DCDC2C: variants seen among roughly 807,000 people sequenced by gnomAD.
DCDC2C encodes doublecortin domain-containing protein 2C.
A neutral mutation model predicts 45.0 loss-of-function variants in DCDC2C; 44 were observed. That is an observed-to-expected ratio of 0.98 (90% confidence interval 0.77 to 1.26). The LOEUF (loss-of-function observed/expected upper bound fraction) is 1.26, where lower values mean the gene tolerates loss of function less well. Among genes scored for constraint, DCDC2C ranks in the 50% most tolerant of loss-of-function variants. DCDC2C has a pLI of 0.00. For synonymous variants in DCDC2C, 187 were observed against 178.8 expected (o/e 1.05, Z -0.37); for missense variants, 447 against 468.9 (o/e 0.95, Z 0.43).
intron 4 of DCDC2C, among the ~76,000 whole-genome samples, chr2:3,748,581 C>T (rs1373698865): frequency 3.9e-5 from 6 of 151,958 alleles, no homozygotes; most frequent in East Asian, 3.9e-4. Flanking sequence ...GAGTGGGATG[C>T]GCCAGGCTGG....
intron 2 of DCDC2C, among the ~76,000 whole-genome samples, chr2:3,718,962 GC>G (rs1668420909): frequency 1.3e-5 from 2 of 152,146 alleles, no homozygotes; most frequent in South Asian, 4.1e-4. Flanking sequence ...GCTGATTGGT[GC>G]ATTTTACAAC....
intron 2 of DCDC2C, among the ~76,000 whole-genome samples, chr2:3,711,849 G>T (rs1278232553): frequency 6.6e-6 from 1 of 152,158 alleles, no homozygotes; most frequent in African/African-American, 2.4e-5. Flanking sequence ...TAATATTTCT[G>T]AAAACTTACA....
chr2:3,726,878 T>G, intron 2 of DCDC2C, 125 bp from the exon 3 acceptor site: 1 of 776,526 alleles, frequency 1.3e-6, no homozygotes, highest in Non-Finnish European at 2.1e-6. Flanking sequence ...CGCCCCTGGG[T>G]GTTCTATTGA....
chr2:3,793,369 G>A (rs1670874579), intron 10 of DCDC2C, among the ~76,000 whole-genome samples: 1 of 152,188 alleles, frequency 6.6e-6, no homozygotes, highest in South Asian at 2.1e-4. Context: ...TTCTGCATCG[G>A]AAGCCTGTGC....
intron 4 of DCDC2C, among the ~76,000 whole-genome samples, chr2:3,747,152 C>A (rs1669391668): frequency 6.6e-6 from 1 of 152,180 alleles, no homozygotes; most frequent in South Asian, 2.1e-4. Context: ...ATGCACGCAG[C>A]ACACAGCACA....
At chr2:3,824,912 A>C (rs543775584) in intron 10 of DCDC2C, among the ~76,000 whole-genome samples, 1 of 152,186 alleles carries the variant, frequency 6.6e-6, no homozygotes, top group African/African-American at 2.4e-5. Flanking sequence ...ACCTATCAAA[A>C]TCTGGACCCA....
chr2:3,838,418 A>G (rs1672132132), intron 10 of DCDC2C, among the ~76,000 whole-genome samples: 1 of 150,930 alleles, frequency 6.6e-6, no homozygotes, highest in Non-Finnish European at 1.5e-5. Flanking sequence ...GAAGTTTTGT[A>G]TTGAGTAACT....
At chr2:3,749,458 A>G (rs1480950032) in intron 4 of DCDC2C, among the ~76,000 whole-genome samples, 1 of 152,208 alleles carries the variant, frequency 6.6e-6, no homozygotes, top group Non-Finnish European at 1.5e-5. Flanking sequence ...TGTAATCTGA[A>G]CATCACATAC....
chr2:3,811,012 G>A (rs1572634369), intron 10 of DCDC2C, among the ~76,000 whole-genome samples: 2 of 152,188 alleles, frequency 1.3e-5, no homozygotes. Flanking sequence ...GTCAGGTAGT[G>A]TGATGCCTCC....
At chr2:3,841,575 T>TA (rs1672214788) in intron 10 of DCDC2C, among the ~76,000 whole-genome samples, 1 of 152,236 alleles carries the variant, frequency 6.6e-6, no homozygotes, top group African/African-American at 2.4e-5. Flanking sequence ...TATCAAACGT[T>TA]TTCTGAGTTT....
intron 10 of DCDC2C, among the ~76,000 whole-genome samples, chr2:3,795,565 C>A (rs1295213854): frequency 2.6e-5 from 3 of 115,186 alleles, no homozygotes; most frequent in Admixed American, 8.8e-5. Context: ...GGAAGGGATC[C>A]AGTTTCAGCT....
At chr2:3,736,195 C>T (rs1669019577) in intron 3 of DCDC2C, among the ~76,000 whole-genome samples, 1 of 152,142 alleles carries the variant, frequency 6.6e-6, no homozygotes, top group Non-Finnish European at 1.5e-5. Context: ...CCTGGGGACA[C>T]AGTGGATTCT....
At chr2:3,769,742 T>C (rs1286090044) in intron 8 of DCDC2C, among the ~76,000 whole-genome samples, 2 of 152,230 alleles carry the variant, frequency 1.3e-5, no homozygotes, top group African/African-American at 4.8e-5. Flanking sequence ...CCTCGCTCAC[T>C]GTTGGGCCCT....
At chr2:3,770,558 T>G (rs981217927) in intron 8 of DCDC2C, among the ~76,000 whole-genome samples, 1 of 152,248 alleles carries the variant, frequency 6.6e-6, no homozygotes, top group African/African-American at 2.4e-5. Context: ...GATTTCATTT[T>G]CTTCGCAAAT....
intron 10 of DCDC2C, among the ~76,000 whole-genome samples, chr2:3,846,887 T>G (rs577338072): frequency 2.6e-5 from 4 of 152,170 alleles, no homozygotes; most frequent in African/African-American, 7.2e-5. Context: ...TGAAATGGAG[T>G]GGCCACCAGC....
chr2:3,779,009 G>A lies in DCDC2C; in HGVS notation c.1023+125G>A, dbSNP rs376901632. The A allele has an allele frequency of 1.5e-3, 1,327 of 882,918 alleles. 33 individuals are homozygous for A. The South Asian group carries it at 0.022, about 15-fold the overall frequency. 54.7% of individuals were successfully genotyped at this position (882,918 alleles called of 1,614,324 possible). On this transcript the variant is annotated intron_variant, in intron 9 of 10. Coordinates refer to ENST00000399143, the MANE Select transcript of DCDC2C (RefSeq NM_001287444.2). ...TCGCTTCCAAAACACAAGCCAGCGC[G>A]GAATCGGAAGCGAGTGCATTTCGCA...
intron 10 of DCDC2C, among the ~76,000 whole-genome samples, chr2:3,813,530 T>C (rs1388528267): frequency 6.6e-6 from 1 of 152,114 alleles, no homozygotes; most frequent in African/African-American, 2.4e-5. Context: ...CATTATTATT[T>C]TGTGGGAGTC....
intron 10 of DCDC2C, among the ~76,000 whole-genome samples, chr2:3,793,217 G>A (rs57012632): frequency 0.021 from 3,163 of 152,212 alleles, 100 homozygotes; most frequent in African/African-American, 0.072. Flanking sequence ...ATACCCAAAC[G>A]CAAATTTACA....
At chr2:3,720,952 C>A (rs1462271273) in intron 2 of DCDC2C, among the ~76,000 whole-genome samples, 1 of 152,138 alleles carries the variant, frequency 6.6e-6, no homozygotes, top group Non-Finnish European at 1.5e-5. Flanking sequence ...ATATAGGGCT[C>A]TTCAGGTTAT....
Sources: gnomAD v4.1 joint callset for allele counts (sites outside exome capture counted in the v4.1 genomes callset) on GRCh38, gnomAD v4.1.1 for gene constraint, MANE v1.5 for transcripts, NCBI Gene and HGNC (gene_info 2026-07-23, HGNC 2026-07-21) for gene names.